SLC6A15: variants seen among roughly 807,000 people sequenced by gnomAD.
SLC6A15 encodes sodium-dependent neutral amino acid transporter B(0)AT2.
SLC6A15 carries 33 observed loss-of-function variants against 68.5 expected under a neutral mutation model. The ratio of observed to expected loss-of-function variants is 0.48; its 90% CI spans 0.37 to 0.64. The LOEUF (loss-of-function observed/expected upper bound fraction) is 0.64. SLC6A15 is among the 30% of genes least tolerant of loss of function. The pLI is 0.00. For missense variants in SLC6A15, 747 were observed against 874.3 expected (o/e 0.85, Z 1.84); for synonymous variants, 347 against 301.0 (o/e 1.15, Z -1.58).
At chr12:84,903,888 AACTAATTTAT>A (rs1203325391) in intron 1 of SLC6A15, among the ~76,000 whole-genome samples, 4 of 152,284 alleles carry the variant, frequency 2.6e-5, no homozygotes, top group African/African-American at 7.2e-5. Flanking sequence ...CTATTATTTA[AACTAATTTAT>A]ACTATGTTTT....
intron 1 of SLC6A15, among the ~76,000 whole-genome samples, chr12:84,899,552 A>G (rs934387238): frequency 6.6e-6 from 1 of 152,124 alleles, no homozygotes; most frequent in Non-Finnish European, 1.5e-5. Flanking sequence ...ATTGCCAAGC[A>G]TCCCATTGTT....
rs777665756 is a variant in SLC6A15, at chr12:84,870,633, G to A, written c.1340C>T (p.Thr447Ile). 19 of 1,611,974 alleles carry A rather than the reference G, an allele frequency of 1.2e-5. No homozygotes were observed. The highest frequency in any genetic ancestry group is 1.6e-5 in the Non-Finnish European group (19 of 1,179,048). The change falls in exon 9 of 12, where the codon ACA becomes ATA. Residue 447 changes from threonine (T) to isoleucine (I), a missense_variant. Physicochemically the swap from Thr to Ile is moderately conservative, Grantham distance 89. Coordinates refer to ENST00000266682, the MANE Select transcript of SLC6A15 (RefSeq NM_182767.6). ...QGTGLAFIAF[T>I]EAMTHFPASP... ...TGCAGGAAAATGTGTCATCGCTTCT[G>A]TAAAGGCAATAAAAGCTAAGCCGGT...
intron 4 of SLC6A15, 124 bp downstream of exon 4, chr12:84,885,311 G>A: frequency 1.1e-6 from 1 of 937,472 alleles, no homozygotes; most frequent in Non-Finnish European, 1.5e-6. Context: ...AGCAAAGTCT[G>A]TTATAATGAT....
At chr12:84,870,449 C>A in intron 9 of SLC6A15, 29 bp downstream of exon 9, 1 of 1,467,062 alleles carries the variant, frequency 6.8e-7, no homozygotes, top group South Asian at 1.5e-5. Context: ...TGGATTTGTT[C>A]AATGAAAAGT....
intron 10 of SLC6A15, among the ~76,000 whole-genome samples, chr12:84,863,869 G>T (rs1870956371): frequency 6.6e-6 from 1 of 151,316 alleles, no homozygotes; most frequent in East Asian, 1.9e-4. Flanking sequence ...AATATTTTCA[G>T]TATATTAAAA....
At chr12:84,887,427 T>C (rs1240370984) in intron 2 of SLC6A15, among the ~76,000 whole-genome samples, 2 of 152,330 alleles carry the variant, frequency 1.3e-5, no homozygotes, top group East Asian at 3.9e-4. Context: ...TCTGTAATAA[T>C]GATTATATCC....
At chr12:84,872,458 G>A (rs1036589188) in intron 8 of SLC6A15, 144 bp downstream of exon 8, 4 of 495,022 alleles carry the variant, frequency 8.1e-6, no homozygotes, top group African/African-American at 6.0e-5. Flanking sequence ...AATTCTGAAG[G>A]ACTTATAATG....
At chr12:84,894,795 A>T (rs1442684816) in intron 1 of SLC6A15, among the ~76,000 whole-genome samples, 1 of 152,128 alleles carries the variant, frequency 6.6e-6, no homozygotes, top group African/African-American at 2.4e-5. Flanking sequence ...AACTACCTGA[A>T]GGTCATATTT....
chr12:84,880,556 A>G (rs570278525), intron 5 of SLC6A15, among the ~76,000 whole-genome samples: 1 of 152,332 alleles, frequency 6.6e-6, no homozygotes, highest in Admixed American at 6.5e-5. Context: ...CCAAAACTAG[A>G]TCAGTGTCTA....
chr12:84,885,263 A>T (rs1451312633), intron 4 of SLC6A15, among the ~76,000 whole-genome samples, 172 bp downstream of exon 4: 1 of 152,172 alleles, frequency 6.6e-6, no homozygotes, highest in African/African-American at 2.4e-5. Context: ...AGATGGTCCC[A>T]AAAGTCTATC....
rs1041398599 is a variant in SLC6A15, at chr12:84,859,519, T to A, written c.*2113A>T. ...ACCTTAGATATATACTTTATTTGCT[T>A]TCACTATATTTATATACATCAAAAC... On this transcript the variant is annotated 3_prime_UTR_variant, in exon 12 of 12. Transcript: ENST00000266682. 2 of 151,908 alleles carry A rather than the reference T, an allele frequency of 1.3e-5. No homozygotes were observed. The highest frequency in any genetic ancestry group is 4.8e-5 in the African/African-American group (2 of 41,408). 9.4% of individuals were successfully genotyped at this position (151,908 alleles called of 1,614,324 possible). A position where few individuals can be genotyped will look rare whatever the true frequency, so the allele number is the denominator to read the frequency against.
chr12:84,872,379 A>T (rs1298294523), intron 8 of SLC6A15, among the ~76,000 whole-genome samples: 1 of 152,154 alleles, frequency 6.6e-6, no homozygotes, highest in Non-Finnish European at 1.5e-5. Flanking sequence ...TCAATCAATG[A>T]AATAACTTTT....
chr12:84,891,534 C>T lies in SLC6A15; in HGVS notation c.289+298G>A, dbSNP rs576671076. On this transcript the variant is annotated intron_variant, in intron 2 of 11. Coordinates refer to ENST00000266682, the MANE Select transcript of SLC6A15 (RefSeq NM_182767.6). ...AAAGGGAATAATTTACAAGCACAAA[C>T]GATGCAAGAAAAGTTTCACTCAGTT... 3.4e-4 allele frequency among the ~76,000 whole-genome samples: 51 copies of T among 152,164 alleles called. No homozygotes were observed. In the East Asian group the frequency reaches 8.9e-3, roughly 27 times the overall value.
Position 84,870,536 on chromosome 12 carries a change from A to C in SLC6A15, c.1437T>G (p.Ile479Met). ...NLGLGSMFGTIEGIVTPIVDT... is the reference protein window; with the variant it reads ...NLGLGSMFGTMEGIVTPIVDT... ...CCACAATAGGCGTGACAATCCCTTCAATGGTTCCAAACATACTGCCAAGGC... is the reference window on the plus strand; with the variant it reads ...CCACAATAGGCGTGACAATCCCTTCCATGGTTCCAAACATACTGCCAAGGC... Residue 479 changes from isoleucine (I) to methionine (M), a missense_variant, in exon 9 of 12, where the codon ATT (isoleucine) becomes ATG (methionine). By Grantham distance (10) the Ile-to-Met change is conservative (BLOSUM62 1). Coordinates refer to ENST00000266682, the MANE Select transcript of SLC6A15 (RefSeq NM_182767.6). The C allele has an allele frequency of 6.3e-7, 1 of 1,598,924 alleles. No individual in the cohort carries two copies. Among genetic ancestry groups the C allele is most frequent in the Non-Finnish European group, 8.5e-7 (1 of 1,171,848 alleles).
chr12:84,883,910 G>A lies in SLC6A15; in HGVS notation c.705C>T (p.Ala235=). 2.5e-6 allele frequency: 4 copies of A among 1,614,058 alleles called. No homozygotes were observed. The highest frequency in any genetic ancestry group is 2.5e-6 in the Non-Finnish European group (3 of 1,179,976). Residue 235 remains alanine, a synonymous_variant, in exon 5 of 12, where the codon GCC becomes GCT. Coordinates refer to ENST00000266682, the MANE Select transcript of SLC6A15 (RefSeq NM_182767.6). Reference sequence around the variant, plus strand: ...TCATAGCCAAGCAAACCATGACCCAGGCAGCCAACAAGCAGATGGTCATCT... The same window carrying A: ...TCATAGCCAAGCAAACCATGACCCAAGCAGCCAACAAGCAGATGGTCATCT... ...NWKMTICLLA[A]WVMVCLAMIK... is the part of the protein sequence containing the mutation.
intron 5 of SLC6A15, among the ~76,000 whole-genome samples, 175 bp from the exon 6 acceptor site, chr12:84,876,782 C>G (rs1328655080): frequency 6.6e-6 from 1 of 152,042 alleles, no homozygotes; most frequent in Non-Finnish European, 1.5e-5. Flanking sequence ...GTGATTCAGC[C>G]TTAAGATTTT....
chr12:84,875,553 T>G (rs552804904), intron 6 of SLC6A15, among the ~76,000 whole-genome samples: 1 of 150,984 alleles, frequency 6.6e-6, no homozygotes, highest in African/African-American at 2.4e-5. Flanking sequence ...TTCAGATAAC[T>G]TTTAATTTCT....
chr12:84,888,166 G>A (rs1470008394), intron 2 of SLC6A15, among the ~76,000 whole-genome samples: 1 of 150,244 alleles, frequency 6.7e-6, no homozygotes, highest in Non-Finnish European at 1.5e-5. Context: ...GCTGAGGTGG[G>A]AAGACTGACT....
In SLC6A15 at chr12:84,868,530, T is replaced by C. The variant is rs546432081; in HGVS notation, c.1496-1337A>G. 3.3e-5 allele frequency among the ~76,000 whole-genome samples: 5 copies of C among 152,250 alleles called. No homozygotes were observed. In the East Asian group the frequency reaches 9.7e-4, roughly 29 times the overall value. On this transcript the variant is annotated intron_variant, in intron 9 of 11. Coordinates refer to ENST00000266682, the MANE Select transcript of SLC6A15 (RefSeq NM_182767.6). ...CCAGTATGAGGCAAATATAAAAAAGTGCATTATAAGTGGTACAGACAGTAA... is the reference window on the plus strand; with the variant it reads ...CCAGTATGAGGCAAATATAAAAAAGCGCATTATAAGTGGTACAGACAGTAA...
Sources: allele counts gnomAD v4.1 joint callset (sites outside exome capture counted in the v4.1 genomes callset), GRCh38; gene constraint gnomAD v4.1.1; transcripts MANE v1.5; gene names NCBI Gene and HGNC (gene_info 2026-07-23, HGNC 2026-07-21).